Variants in MCC observed in about 807,000 individuals in gnomAD.
MCC encodes colorectal mutant cancer protein.
Under a neutral mutation model 116.2 loss-of-function variants are expected in MCC, and 90 were observed. The observed-to-expected ratio is 0.77, with a 90% confidence interval of 0.65 to 0.92. MCC has a LOEUF of 0.92. Ranked by LOEUF, MCC falls within the 40% of genes least tolerant of loss-of-function variation. MCC has a pLI of 0.00. For synonymous variants in MCC, 578 were observed against 510.5 expected (o/e 1.13, Z -1.78); for missense variants, 1,516 against 1,312.2 (o/e 1.16, Z -2.40).
At chr5:113,337,219 G>A (rs1767891584) in intron 3 of MCC, among the ~76,000 whole-genome samples, 2 of 152,120 alleles carry the variant, frequency 1.3e-5, no homozygotes, top group South Asian at 4.1e-4. Flanking sequence ...CAGTATTTGG[G>A]GGACTTTTCA....
intron 2 of MCC, among the ~76,000 whole-genome samples, chr5:113,382,107 G>T (rs1769139432): frequency 6.6e-6 from 1 of 152,144 alleles, no homozygotes; most frequent in African/African-American, 2.4e-5. Context: ...AAGGGTCAGA[G>T]AAATAAGGCA....
chr5:113,174,251 G>C (rs935115612), intron 3 of MCC, among the ~76,000 whole-genome samples: 1 of 152,138 alleles, frequency 6.6e-6, no homozygotes, highest in Admixed American at 6.6e-5. Flanking sequence ...TTCCCAACCT[G>C]TCTTCTTCCT....
intron 3 of MCC, among the ~76,000 whole-genome samples, chr5:113,158,169 G>A (rs1373269090): frequency 6.6e-6 from 1 of 152,222 alleles, no homozygotes; most frequent in East Asian, 1.9e-4. Context: ...TTTTCAGACT[G>A]CAGTTGACTG....
At chr5:113,358,249 T>G (rs1254190805) in intron 2 of MCC, among the ~76,000 whole-genome samples, 3 of 152,240 alleles carry the variant, frequency 2.0e-5, no homozygotes, top group Non-Finnish European at 2.9e-5. Context: ...TTGACAGACT[T>G]AACTTCCCTA....
At chr5:113,084,746 T>C (rs768971066) in intron 9 of MCC, among the ~76,000 whole-genome samples, 1 of 152,182 alleles carries the variant, frequency 6.6e-6, no homozygotes, top group African/African-American at 2.4e-5. Flanking sequence ...TCCATCATAA[T>C]CTATTTTTCT....
At chr5:113,108,615 T>C (rs1756895824) in intron 6 of MCC, among the ~76,000 whole-genome samples, 1 of 147,990 alleles carries the variant, frequency 6.8e-6, no homozygotes, top group South Asian at 2.1e-4. Context: ...ATCGAGCCAT[T>C]GCACTCCAGC....
chr5:113,041,024 A>G (rs954561059), intron 17 of MCC, among the ~76,000 whole-genome samples: 1 of 152,222 alleles, frequency 6.6e-6, no homozygotes, highest in Non-Finnish European at 1.5e-5. Flanking sequence ...GGCACAGTTA[A>G]GTCATTAGGA....
intron 3 of MCC, among the ~76,000 whole-genome samples, chr5:113,338,551 G>A (rs554698874): frequency 5.3e-5 from 8 of 152,314 alleles, no homozygotes; most frequent in Non-Finnish European, 1.0e-4. Flanking sequence ...AAAACTGGTC[G>A]GCCATGAACC....
chr5:113,176,190 C>T (rs1038184371), intron 3 of MCC, among the ~76,000 whole-genome samples: 2 of 152,084 alleles, frequency 1.3e-5, no homozygotes, highest in African/African-American at 4.8e-5. Flanking sequence ...CCTAAATGCC[C>T]ATTTCTTGTA....
At chr5:113,455,458 C>T (rs531988116) in intron 1 of MCC, among the ~76,000 whole-genome samples, 2 of 152,248 alleles carry the variant, frequency 1.3e-5, no homozygotes, top group African/African-American at 2.4e-5. Flanking sequence ...AATAAGGTCA[C>T]GTCTCAGGGG....
In MCC at chr5:113,084,023, G is replaced by T. The variant is rs886379488; in HGVS notation, c.1635+78C>A. The T allele has an allele frequency of 7.2e-6, 8 of 1,108,672 alleles. No homozygotes were observed. The African/African-American group carries it at 1.1e-4, about 15-fold the overall frequency. The allele number at this position is 1,108,672 out of a possible 1,614,324, so 68.7% of individuals were successfully genotyped here. A position where few individuals can be genotyped will look rare whatever the true frequency, so the allele number is the denominator to read the frequency against. On this transcript the variant is annotated intron_variant, in intron 10 of 18. Coordinates refer to ENST00000408903, the MANE Select transcript of MCC (RefSeq NM_001085377.2). ...GGTTTATTGGAGATAGACTTTGGAA[G>T]TTCTTCTGTCATCTATAATCCATTG...
At chr5:113,267,856 T>C (rs1251705183) in intron 3 of MCC, among the ~76,000 whole-genome samples, 1 of 152,226 alleles carries the variant, frequency 6.6e-6, no homozygotes, top group Non-Finnish European at 1.5e-5. Flanking sequence ...TTGTATGGTA[T>C]ATGAATTACA....
chr5:113,047,927 A>AG (rs904104985), intron 16 of MCC, among the ~76,000 whole-genome samples: 1 of 151,906 alleles, frequency 6.6e-6, no homozygotes, highest in Non-Finnish European at 1.5e-5. Context: ...TGGACTTCGT[A>AG]ACCCAAGGCT....
chr5:113,365,340 G>C (rs1236671825), intron 2 of MCC, among the ~76,000 whole-genome samples: 1 of 152,022 alleles, frequency 6.6e-6, no homozygotes, highest in East Asian at 1.9e-4. Context: ...ATGCAGCCAG[G>C]GTCTCTGCTA....
intron 8 of MCC, among the ~76,000 whole-genome samples, 165 bp from the exon 9 acceptor site, chr5:113,085,475 C>T (rs1452892831): frequency 6.6e-6 from 1 of 151,862 alleles, no homozygotes; most frequent in Non-Finnish European, 1.5e-5. Flanking sequence ...TTTTTTCGGA[C>T]TAATAATTTT....
intron 2 of MCC, among the ~76,000 whole-genome samples, chr5:113,352,248 A>C (rs754852065): frequency 3.9e-5 from 6 of 152,118 alleles, no homozygotes; most frequent in Non-Finnish European, 7.4e-5. Context: ...TCACTGAAAA[A>C]CTTTGAAAAT....
intron 5 of MCC, among the ~76,000 whole-genome samples, chr5:113,131,560 G>C (rs1167243566): frequency 6.6e-6 from 1 of 152,126 alleles, no homozygotes; most frequent in African/African-American, 2.4e-5. Flanking sequence ...AAGTAGAAAG[G>C]ATTTAACTTA....
Position 113,057,586 on chromosome 5 carries a change from C to A in MCC, c.2214-3627G>T, listed in dbSNP as rs1040336046. On this transcript the variant is annotated intron_variant, in intron 14 of 18. Coordinates refer to ENST00000408903, the MANE Select transcript of MCC (RefSeq NM_001085377.2). ...AGTGAAATGAGGCAGCTCAAGGGAA[C>A]TGCAAAGAGAGCAAAGCGCGCCCAC... 2.0e-4 allele frequency among the ~76,000 whole-genome samples: 31 copies of A among 152,326 alleles called. 1 individual carries two copies. In the Middle Eastern group the frequency reaches 0.017, roughly 84 times the overall value.
At chr5:113,405,095 T>A (rs1312311420) in intron 1 of MCC, among the ~76,000 whole-genome samples, 2 of 152,376 alleles carry the variant, frequency 1.3e-5, no homozygotes, top group East Asian at 3.9e-4. Flanking sequence ...AGCTCTATAG[T>A]GGCAGTCAGC....
Sources: gnomAD v4.1 joint callset for allele counts (sites outside exome capture counted in the v4.1 genomes callset) on GRCh38, gnomAD v4.1.1 for gene constraint, MANE v1.5 for transcripts, NCBI Gene and HGNC (gene_info 2026-07-23, HGNC 2026-07-21) for gene names.